SHANK1: variants seen among roughly 807,000 people sequenced by gnomAD.
SHANK1 encodes the protein SH3 and multiple ankyrin repeat domains 1.
SHANK1 carries 35 observed loss-of-function variants against 165.6 expected under a neutral mutation model. The observed-to-expected ratio is 0.21, with a 90% CI of 0.16 to 0.28. SHANK1 has a LOEUF of 0.28. SHANK1 is among the 10% of genes least tolerant of loss of function. The pLI is 1.00. For missense variants in SHANK1, 2,681 were observed against 3,036.4 expected (o/e 0.88, Z 2.75); for synonymous variants, 1,428 against 1,384.8 (o/e 1.03, Z -0.69).
intron 21 of SHANK1, among the ~76,000 whole-genome samples, chr19:50,672,592 G>C (rs1261134631): frequency 7.0e-6 from 1 of 143,320 alleles, no homozygotes; most frequent in Non-Finnish European, 1.5e-5. Flanking sequence ...AAAAGAAGGC[G>C]AAAGGGAATT....
At chr19:50,683,131 C>A (rs1986227373) in intron 21 of SHANK1, among the ~76,000 whole-genome samples, 1 of 152,158 alleles carries the variant, frequency 6.6e-6, no homozygotes, top group South Asian at 2.1e-4. Context: ...TGCGCCCGGC[C>A]CTGAAAATCT....
At chr19:50,698,390 T>C (rs763792992) in intron 12 of SHANK1, among the ~76,000 whole-genome samples, 81 of 152,294 alleles carry the variant, frequency 5.3e-4, no homozygotes, top group Middle Eastern at 3.4e-3. Context: ...ACTTAATCTT[T>C]AGTCCTTTGT....
At position 50,713,614 on chromosome 19, in the gene SHANK1, G is replaced by A. The variant is rs916485964; in HGVS notation, c.792+184C>T. ...GATGTCAGCTATAGCCCAGGTGGGT[G>A]CATCTGGGGGGCCTGACAAGGGTGA... On this transcript the variant is annotated intron_variant, in intron 6 of 23. Coordinates refer to ENST00000293441, the MANE Select transcript of SHANK1 (RefSeq NM_016148.5). This position sits in a 1 kb window ranked among gnomAD's most constrained non-coding sequence, Gnocchi z 6.2. Among the ~76,000 whole-genome samples, 12 of 152,102 alleles carry A rather than the reference G, an allele frequency of 7.9e-5. No homozygotes were observed. Among genetic ancestry groups the A allele is most frequent in the African/African-American group, 2.9e-4 (12 of 41,396 alleles).
rs398034977 is a variant in SHANK1, at chr19:50,694,019, CCACACACACA to C, written c.1964+3067_1964+3076del. 2.7e-3 allele frequency among the ~76,000 whole-genome samples: 369 copies of C among 138,680 alleles called. 5 individuals carry two copies. The highest frequency in any genetic ancestry group is 8.4e-3 in the African/African-American group (309 of 36,726). The allele number at this position is 138,680 out of a possible 152,430, so 91.0% of individuals were successfully genotyped here. A position where few individuals can be genotyped will look rare whatever the true frequency, so the allele number is the denominator to read the frequency against. On this transcript the variant is annotated intron_variant, in intron 15 of 23. Transcript: ENST00000293441. ...TGGGACAGACCCACTCCAGCACACA[CCACACACACA>C]CACACACACACACACACACACACAC...
At position 50,702,570 on chromosome 19, in the gene SHANK1, C is replaced by T. The variant is rs747414163; in HGVS notation, c.1644G>A (p.Arg548=). The T allele has an allele frequency of 6.2e-7, 1 of 1,611,650 alleles. No homozygotes were observed. The highest frequency in any genetic ancestry group is 1.1e-5 in the South Asian group (1 of 90,774). The change falls in exon 12 of 24, where the codon AGG becomes AGA. Residue 548 remains arginine, a synonymous_variant. Transcript: ENST00000293441. The surrounding 1 kb of genome is among the most constrained non-coding windows in gnomAD (Gnocchi z 5.3). ...GTCCGGGTACCGCTGAGTAGAGCTT[C>T]CTCCGCCTCCCGCGGCTGCCCAGGG... ...GGSLGSRGRR[R]KLYSAVPGRS... is the part of the protein sequence containing the mutation.
Position 50,669,280 on chromosome 19 carries a change from C to G in SHANK1, c.2680G>C (p.Ala894Pro). Residue 894 changes from alanine (A) to proline (P), a missense_variant, in exon 23 of 24, where the codon GCA becomes CCA. By Grantham distance (27) the Ala-to-Pro change is conservative. Coordinates refer to ENST00000293441, the MANE Select transcript of SHANK1 (RefSeq NM_016148.5). ...GCTAGGTAAGGTCTGTCATCTTCTGCCGCACCTGGGGAGATACAGAGGCTC... is the reference window on the plus strand; with the variant it reads ...GCTAGGTAAGGTCTGTCATCTTCTGGCGCACCTGGGGAGATACAGAGGCTC... Reference protein sequence around the residue: ...LMLRQKSIGAAEDDRPYLAPP... With the variant: ...LMLRQKSIGAPEDDRPYLAPP... The G allele has an allele frequency of 6.2e-7, 1 of 1,607,576 alleles. No individual in the cohort carries two copies. Among genetic ancestry groups the G allele is most frequent in the Non-Finnish European group, 8.5e-7 (1 of 1,176,998 alleles).
At chr19:50,714,383 G>A in intron 4 of SHANK1, 93 bp from the exon 5 acceptor site, 5 of 1,040,204 alleles carry the variant, frequency 4.8e-6, no homozygotes, top group East Asian at 5.1e-5. Flanking sequence ...GAAAATATAC[G>A]TGGAGTCACA....
In SHANK1 at chr19:50,669,080, GC is replaced by G; in HGVS notation, c.2879del (p.Gly960AlafsTer383). On this transcript the variant is annotated frameshift_variant, in exon 23 of 24. Coordinates refer to ENST00000293441, the MANE Select transcript of SHANK1 (RefSeq NM_016148.5). LOFTEE classifies it high-confidence loss of function. ...ATGCAGGGGAGGAGGCGGGGAGGGG[GC>G]CACCAGAGCCAGGGTTGAAGGGCCC... ...RGGPFNPGSG[G>X]PLPASSPASF... is the part of the protein sequence containing the mutation. The G allele has an allele frequency of 7.9e-7, 1 of 1,259,614 alleles. No homozygotes were observed. Among genetic ancestry groups the G allele is most frequent in the Non-Finnish European group, 1.1e-6 (1 of 941,954 alleles). 78.0% of individuals were successfully genotyped at this position (1,259,614 alleles called of 1,614,324 possible).
Position 50,686,338 on chromosome 19 carries a change from G to C in SHANK1, c.2476C>G (p.Leu826Val), listed in dbSNP as rs750328077. 2.5e-6 allele frequency: 4 copies of C among 1,601,564 alleles called. No individual in the cohort carries two copies. In the African/African-American group the frequency reaches 5.4e-5, roughly 22 times the overall value. Residue 826 changes from leucine (L) to valine (V), a missense_variant, in exon 21 of 24, where the codon CTG becomes GTG. By Grantham distance (32) the Leu-to-Val change is conservative (BLOSUM62 1). Transcript: ENST00000293441. The surrounding 1 kb of genome is among the most constrained non-coding windows in gnomAD (Gnocchi z 5.7). ...QMALNKLDEI[L>V]AAAQQTISAS... ...CTGATGGTCTGTTGAGCTGCGGCCA[G>C]GATTTCGTCCAGTTTGTCTAGGGGT...
At position 50,717,320 on chromosome 19, in the gene SHANK1, A is replaced by G. The variant is rs941911703; in HGVS notation, c.-43-358T>C. Reference sequence around the variant, plus strand: ...CACTTTGCCAGGCCACAGAAAATGCAGCTAAAATTAGCTAAGGACAGACAG... The same window carrying G: ...CACTTTGCCAGGCCACAGAAAATGCGGCTAAAATTAGCTAAGGACAGACAG... On this transcript the variant is annotated intron_variant, in intron 1 of 23. Coordinates refer to ENST00000293441, the MANE Select transcript of SHANK1 (RefSeq NM_016148.5). This position sits in a 1 kb window ranked among gnomAD's most constrained non-coding sequence, Gnocchi z 5.5. Among the ~76,000 whole-genome samples the G allele has an allele frequency of 1.3e-5, 2 of 152,226 alleles. No individual in the cohort carries two copies. Among genetic ancestry groups the G allele is most frequent in the Non-Finnish European group, 2.9e-5 (2 of 68,026 alleles).
chr19:50,705,189 A>T (rs2088923355), intron 8 of SHANK1, among the ~76,000 whole-genome samples: 2 of 148,476 alleles, frequency 1.3e-5, no homozygotes. Flanking sequence ...AGAAAATACA[A>T]AAATTAGCCA....
intron 15 of SHANK1, among the ~76,000 whole-genome samples, chr19:50,693,717 C>T (rs115024630): frequency 0.02 from 3,059 of 152,214 alleles, 113 homozygotes; most frequent in African/African-American, 0.069. Flanking sequence ...CACAGAGGGA[C>T]GCCAGCCCCC....
At position 50,714,207 on chromosome 19, in the gene SHANK1, G is replaced by A; in HGVS notation, c.615C>T (p.Pro205=). Reference sequence around the variant, plus strand: ...CTCCCGAATCCGAGTCATGGTAATTGGGGTCCAGCCCCTTGTCCAGCAGCC... The same window carrying A: ...CTCCCGAATCCGAGTCATGGTAATTAGGGTCCAGCCCCTTGTCCAGCAGCC... ...VARLLDKGLD[P]NYHDSDSGET... is the part of the protein sequence containing the mutation. The change falls in exon 5 of 24, where the codon CCC becomes CCT. Residue 205 remains proline (P), a synonymous_variant. Transcript: ENST00000293441. 3 of 1,614,110 alleles carry A rather than the reference G, an allele frequency of 1.9e-6. No individual in the cohort carries two copies. The highest frequency in any genetic ancestry group is 2.5e-6 in the Non-Finnish European group (3 of 1,180,016).
chr19:50,663,912 T>TTTTTC (rs148739752), intron 23 of SHANK1, among the ~76,000 whole-genome samples: 4,337 of 144,736 alleles, frequency 0.03, 77 homozygotes, highest in African/African-American at 0.052. Flanking sequence ...ATACACTTCC[T>TTTTTC]TTTTCTTTTC....
chr19:50,663,928 C>T (rs374134622), intron 23 of SHANK1, among the ~76,000 whole-genome samples: 207 of 71,564 alleles, frequency 2.9e-3, no homozygotes, highest in African/African-American at 0.014. Flanking sequence ...TTTTCTTTCT[C>T]TCTCTCTCTC....
rs1485669496 is a variant in SHANK1, at chr19:50,687,972, C to T, written c.2259G>A (p.Val753=). ...RQGGNTLMVK[V]VMVTRHPDMD... ...TGTCCGGGTGCCTGGTGACCATCACCACCTTCACCATCAGCGTGTTGCCCC... is the reference window on the plus strand; with the variant it reads ...TGTCCGGGTGCCTGGTGACCATCACTACCTTCACCATCAGCGTGTTGCCCC... Residue 753 remains valine, a synonymous_variant, in exon 18 of 24, where the codon GTG becomes GTA. Coordinates refer to ENST00000293441, the MANE Select transcript of SHANK1 (RefSeq NM_016148.5). 1.2e-6 allele frequency: 2 copies of T among 1,614,116 alleles called. No homozygotes were observed. Among genetic ancestry groups the T allele is most frequent in the Non-Finnish European group, 1.7e-6 (2 of 1,179,976 alleles).
chr19:50,696,457 G>T (rs555175219), intron 15 of SHANK1, among the ~76,000 whole-genome samples: 1 of 147,882 alleles, frequency 6.8e-6, no homozygotes, highest in South Asian at 2.2e-4. Context: ...ACACAGACAC[G>T]TAGGTTTGGA....
In SHANK1 at chr19:50,715,670, A is replaced by C. The variant is rs2089061452; in HGVS notation, c.520T>G (p.Leu174Val). The C allele has an allele frequency of 6.2e-7, 1 of 1,613,908 alleles. No homozygotes were observed. The highest frequency in any genetic ancestry group is 8.5e-7 in the Non-Finnish European group (1 of 1,179,982). Residue 174 changes from leucine (L) to valine (V), a missense_variant, in exon 4 of 24, where the codon TTG becomes GTG. Transcript: ENST00000293441. ...CAGGGTTTTCTCACCTTCGTGTGCA[A>C]CTTGGCCAGCTGCTTCTCATCCAGG... ...TNLDEKQLAK[L>V]HTKTGLKKFL...
Position 50,668,872 on chromosome 19 carries a change from C to A in SHANK1, c.3088G>T (p.Gly1030Cys). 2 of 1,291,460 alleles carry A rather than the reference C, an allele frequency of 1.5e-6. No individual in the cohort carries two copies. Among genetic ancestry groups the A allele is most frequent in the South Asian group, 5.2e-5 (2 of 38,824 alleles). 80.0% of individuals were successfully genotyped at this position (1,291,460 alleles called of 1,614,324 possible). A position where few individuals can be genotyped will look rare whatever the true frequency, so the allele number is the denominator to read the frequency against. ...CGGGGTGGAGGGTCGTCGGGAGAGCCGCCTGTCTCCATCTCGGGAGGATGA... is the reference window on the plus strand; with the variant it reads ...CGGGGTGGAGGGTCGTCGGGAGAGCAGCCTGTCTCCATCTCGGGAGGATGA... ...PPHPPEMETG[G>C]SPDDPPPRLA... Residue 1030 changes from glycine (G) to cysteine (C), a missense_variant, in exon 23 of 24, where the codon GGC (glycine) becomes TGC (cysteine). Gly to Cys is a radical substitution (Grantham distance 159, BLOSUM62 -3). Transcript: ENST00000293441.
Sources: allele counts gnomAD v4.1 joint callset (sites outside exome capture counted in the v4.1 genomes callset), GRCh38; gene constraint gnomAD v4.1.1; non-coding constraint Gnocchi (gnomAD v3.1); transcripts MANE v1.5; gene names NCBI Gene and HGNC (gene_info 2026-07-23, HGNC 2026-07-21).